Variants in AKAP6 observed in about 807,000 individuals in gnomAD.
The protein encoded by AKAP6 is A-kinase anchoring protein 6, also known as A-kinase anchor protein 6.
A neutral mutation model predicts 188.5 loss-of-function variants in AKAP6; 58 were observed. The observed-to-expected ratio is 0.31, with a 90% CI of 0.25 to 0.38. The LOEUF (loss-of-function observed/expected upper bound fraction) is 0.38. Among genes scored for constraint, AKAP6 ranks in the 10% least tolerant of loss-of-function variants. AKAP6 has a pLI of 1.00. For synonymous variants in AKAP6, 989 were observed against 998.6 expected (o/e 0.99, Z 0.18); for missense variants, 2,710 against 2,740.0 (o/e 0.99, Z 0.24).
intron 1 of AKAP6, among the ~76,000 whole-genome samples, chr14:32,329,783 C>T (rs577301363): frequency 6.6e-6 from 1 of 152,190 alleles, no homozygotes; most frequent in African/African-American, 2.4e-5. Flanking sequence ...AATTGGCCCC[C>T]TCTTTGCTCT....
intron 1 of AKAP6, among the ~76,000 whole-genome samples, chr14:32,381,462 C>T (rs1427809197): frequency 6.6e-6 from 1 of 152,104 alleles, no homozygotes; most frequent in Non-Finnish European, 1.5e-5. Context: ...AGATAGAAAA[C>T]TATCTTTTGA....
chr14:32,449,993 CCTT>C (rs1322199570), intron 2 of AKAP6, among the ~76,000 whole-genome samples: 5 of 152,170 alleles, frequency 3.3e-5, no homozygotes, highest in African/African-American at 1.2e-4. Flanking sequence ...CCTCGTGCCT[CCTT>C]CTTGCCTGCT....
intron 1 of AKAP6, among the ~76,000 whole-genome samples, chr14:32,371,951 T>C (rs1350103431): frequency 6.6e-6 from 1 of 152,164 alleles, no homozygotes; most frequent in Non-Finnish European, 1.5e-5. Flanking sequence ...TACTTCTCTT[T>C]TCTTTCTTCT....
At chr14:32,530,612 G>A (rs1038932128) in intron 2 of AKAP6, among the ~76,000 whole-genome samples, 1 of 152,110 alleles carries the variant, frequency 6.6e-6, no homozygotes, top group African/African-American at 2.4e-5. Flanking sequence ...TCATGATGAG[G>A]CAGCAAAGAG....
chr14:32,367,896 T>A (rs1329068623), intron 1 of AKAP6, among the ~76,000 whole-genome samples: 1 of 152,226 alleles, frequency 6.6e-6, no homozygotes, highest in Non-Finnish European at 1.5e-5. Flanking sequence ...AACTCACAGT[T>A]TGGCCTATTA....
At chr14:32,585,095 G>T (rs1405978148) in intron 5 of AKAP6, among the ~76,000 whole-genome samples, 1 of 151,484 alleles carries the variant, frequency 6.6e-6, no homozygotes, top group Non-Finnish European at 1.5e-5. Context: ...AAGCAGCAGA[G>T]CAGGTCAGCA....
chr14:32,576,603 C>T (rs1884729719), intron 4 of AKAP6, among the ~76,000 whole-genome samples: 1 of 152,126 alleles, frequency 6.6e-6, no homozygotes, highest in Non-Finnish European at 1.5e-5. Context: ...GGACAGAACT[C>T]GTCCAAGGAC....
intron 9 of AKAP6, among the ~76,000 whole-genome samples, chr14:32,702,125 T>C (rs1359151829): frequency 1.3e-5 from 2 of 152,176 alleles, no homozygotes; most frequent in East Asian, 3.8e-4. Context: ...TTTACCTCTT[T>C]TCCTGGTAGA....
intron 1 of AKAP6, among the ~76,000 whole-genome samples, chr14:32,384,097 T>A (rs1888454094): frequency 6.6e-6 from 1 of 151,998 alleles, no homozygotes; most frequent in Non-Finnish European, 1.5e-5. Flanking sequence ...TGATTAAGAG[T>A]TAGCACTCTG....
chr14:32,786,001 A>C (rs2033388855), intron 12 of AKAP6, among the ~76,000 whole-genome samples: 1 of 152,200 alleles, frequency 6.6e-6, no homozygotes, highest in African/African-American at 2.4e-5. Context: ...AGTAATGTCC[A>C]ATTCACTCCC....
chr14:32,570,586 C>G (rs1314638556), intron 4 of AKAP6, among the ~76,000 whole-genome samples: 1 of 152,160 alleles, frequency 6.6e-6, no homozygotes, highest in Admixed American at 6.6e-5. Flanking sequence ...AATCACTTAT[C>G]AAGCTCTTGT....
intron 5 of AKAP6, among the ~76,000 whole-genome samples, chr14:32,583,444 G>A (rs1433337521): frequency 1.3e-5 from 2 of 152,198 alleles, no homozygotes; most frequent in Non-Finnish European, 2.9e-5. Flanking sequence ...TCAGGGGTCA[G>A]GGACCCATTT....
rs1350284616 is a variant in AKAP6, at chr14:32,568,212, A to G, written c.2347-8908A>G. 9.2e-5 allele frequency among the ~76,000 whole-genome samples: 14 copies of G among 152,202 alleles called. No individual in the cohort carries two copies. The highest frequency in any genetic ancestry group is 3.1e-4 in the African/African-American group (13 of 41,452). ...TGTGACTGTCCTTTGTTTCCTCTCTATGGACTTTGTGGGAACAAATCTGGT... is the reference window on the plus strand; with the variant it reads ...TGTGACTGTCCTTTGTTTCCTCTCTGTGGACTTTGTGGGAACAAATCTGGT... On this transcript the variant is annotated intron_variant, in intron 4 of 13. Coordinates refer to ENST00000280979, the MANE Select transcript of AKAP6 (RefSeq NM_004274.5). The surrounding 1 kb of genome is among the most constrained non-coding windows in gnomAD (Gnocchi z 6.2).
At position 32,454,656 on chromosome 14, in the gene AKAP6, TCTCCTTCCCTCCTTCCCTCCTTCC is replaced by T. The variant is rs1253542129; in HGVS notation, c.324+20852_324+20875del. 5.0e-3 allele frequency among the ~76,000 whole-genome samples: 113 copies of T among 22,622 alleles called. 3 individuals carry two copies. The highest frequency in any genetic ancestry group is 0.029 in the African/African-American group (88 of 3,036). 14.8% of individuals were successfully genotyped at this position (22,622 alleles called of 152,430 possible). ...CCTTCCCTCCCTCCCTCCTTCCCTCTCTCCTTCCCTCCTTCCCTCCTTCCCTCCTTCCCTCCCTCCCTCCCTCCC... is the reference window on the plus strand; with the variant it reads ...CCTTCCCTCCCTCCCTCCTTCCCTCTCTCCTTCCCTCCCTCCCTCCCTCCC... On this transcript the variant is annotated intron_variant, in intron 2 of 13. Transcript: ENST00000280979.
At chr14:32,611,529 G>C (rs1191375408) in intron 7 of AKAP6, among the ~76,000 whole-genome samples, 1 of 152,138 alleles carries the variant, frequency 6.6e-6, no homozygotes, top group African/African-American at 2.4e-5. Context: ...AATAATAGCT[G>C]TAACCTTGGA....
intron 2 of AKAP6, among the ~76,000 whole-genome samples, chr14:32,474,768 T>C (rs1878970031): frequency 6.6e-6 from 1 of 152,264 alleles, no homozygotes; most frequent in South Asian, 2.1e-4. Flanking sequence ...ATATTTGCAC[T>C]TCACTCATTT....
intron 9 of AKAP6, among the ~76,000 whole-genome samples, chr14:32,702,550 T>C (rs1209642636): frequency 6.6e-6 from 1 of 151,348 alleles, no homozygotes; most frequent in African/African-American, 2.4e-5. Context: ...ATCACTTCTT[T>C]AAAAAGAAAA....
At chr14:32,389,369 A>G (rs1888634259) in intron 1 of AKAP6, among the ~76,000 whole-genome samples, 4 of 151,492 alleles carry the variant, frequency 2.6e-5, no homozygotes, top group African/African-American at 9.7e-5. Flanking sequence ...GTGAGGTACC[A>G]TTCTATTCAT....
At chr14:32,506,788 C>A (rs1001556856) in intron 2 of AKAP6, among the ~76,000 whole-genome samples, 5 of 151,816 alleles carry the variant, frequency 3.3e-5, no homozygotes, top group African/African-American at 1.2e-4. Context: ...CCACTTTGGC[C>A]TCCCAAAGTG....
Sources: allele counts gnomAD v4.1 joint callset (sites outside exome capture counted in the v4.1 genomes callset), GRCh38; gene constraint gnomAD v4.1.1; non-coding constraint Gnocchi (gnomAD v3.1); transcripts MANE v1.5; gene names NCBI Gene and HGNC (gene_info 2026-07-23, HGNC 2026-07-21).